RBFOX3: variants seen among roughly 807,000 people sequenced by gnomAD.
RBFOX3 encodes RNA binding fox-1 homolog 3, also known as RNA binding protein fox-1 homolog 3.
Under a neutral mutation model 48.7 loss-of-function variants are expected in RBFOX3, and 17 were observed. The observed-to-expected ratio is 0.35, with a 90% CI of 0.24 to 0.52. The LOEUF (loss-of-function observed/expected upper bound fraction) is 0.52. Among genes scored for constraint, RBFOX3 ranks in the 20% least tolerant of loss-of-function variants. The probability of loss-of-function intolerance (pLI) is 0.94; values close to 1 mark genes in which losing one functional copy is unlikely to be tolerated. For missense variants in RBFOX3, 382 were observed against 497.5 expected, an observed-to-expected ratio of 0.77 and a Z score of 2.21; for synonymous variants, 212 against 209.5, an observed-to-expected ratio of 1.01 and a Z score of -0.10.
At chr17:79,429,355 G>A (rs2148862083) in intron 2 of RBFOX3, among the ~76,000 whole-genome samples, 1 of 152,366 alleles carries the variant, frequency 6.6e-6, no homozygotes, top group South Asian at 2.1e-4. Context: ...GAGGAACAGA[G>A]GAAACCGGAA....
intron 2 of RBFOX3, among the ~76,000 whole-genome samples, chr17:79,347,652 A>G (rs2083138568): frequency 6.6e-6 from 1 of 152,144 alleles, no homozygotes; most frequent in African/African-American, 2.4e-5. Flanking sequence ...TTTCTCCTGT[A>G]TCGCATTATT....
In RBFOX3 at chr17:79,181,159, A is replaced by G. The variant is rs562497771; in HGVS notation, c.-34+54607T>C. ...CAGTGAGGACTATGTCATTCAAGGA[A>G]GACACTGAGGTTCAGAGTGGTGATA... On this transcript the variant is annotated intron_variant, in intron 4 of 14. Coordinates refer to ENST00000693108, the MANE Select transcript of RBFOX3 (RefSeq NM_001350451.2). 3.4e-4 allele frequency among the ~76,000 whole-genome samples: 52 copies of G among 152,336 alleles called. 1 individual carries two copies. The highest frequency in any genetic ancestry group is 1.2e-3 in the African/African-American group (49 of 41,576).
chr17:79,541,491 C>T (rs782142590), intron 1 of RBFOX3, among the ~76,000 whole-genome samples: 21 of 152,208 alleles, frequency 1.4e-4, no homozygotes, highest in African/African-American at 4.8e-5. Flanking sequence ...AGTCTGTGGC[C>T]GGCAGCGGGT....
intron 1 of RBFOX3, among the ~76,000 whole-genome samples, chr17:79,585,535 C>G (rs973618353): frequency 1.3e-5 from 2 of 151,678 alleles, no homozygotes; most frequent in Non-Finnish European, 2.9e-5. Flanking sequence ...CCAGCCTGGG[C>G]GACAACAGCG....
intron 3 of RBFOX3, among the ~76,000 whole-genome samples, chr17:79,261,216 A>G (rs2065718120): frequency 6.6e-6 from 1 of 152,166 alleles, no homozygotes; most frequent in African/African-American, 2.4e-5. Context: ...AAGCACAACA[A>G]GAGATTTTTA....
chr17:79,168,841 G>A (rs985741073), intron 4 of RBFOX3, among the ~76,000 whole-genome samples: 9 of 145,456 alleles, frequency 6.2e-5, no homozygotes, highest in Non-Finnish European at 8.9e-5. Flanking sequence ...CATGCCGGGT[G>A]CGCCCTCGCC....
intron 2 of RBFOX3, among the ~76,000 whole-genome samples, chr17:79,456,028 G>GC (rs2074422589): frequency 7.1e-6 from 1 of 141,560 alleles, no homozygotes; most frequent in Non-Finnish European, 1.6e-5. Flanking sequence ...ACATCACACT[G>GC]ACCAGGTCCC....
At chr17:79,102,354 G>T (rs764722009) in intron 8 of RBFOX3, among the ~76,000 whole-genome samples, 2 of 152,182 alleles carry the variant, frequency 1.3e-5, no homozygotes, top group African/African-American at 4.8e-5. Context: ...ATTGAGCCCC[G>T]AGGGCGTGGG....
At chr17:79,555,072 A>G (rs1387288470) in intron 1 of RBFOX3, among the ~76,000 whole-genome samples, 3 of 152,248 alleles carry the variant, frequency 2.0e-5, no homozygotes, top group Non-Finnish European at 4.4e-5. Context: ...AGTTGGAATC[A>G]GATCTGCCAC....
chr17:79,156,116 A>G (rs1250941153), intron 4 of RBFOX3, among the ~76,000 whole-genome samples: 4 of 152,174 alleles, frequency 2.6e-5, no homozygotes, highest in Admixed American at 2.0e-4. Context: ...CTTGGGGGTG[A>G]CGGGGAAAAG....
chr17:79,662,041 A>C, the RBFOX3 span, among the ~76,000 whole-genome samples: 1 of 151,728 alleles, frequency 6.6e-6, no homozygotes, highest in African/African-American at 2.4e-5. Context: ...TCTTTGAATC[A>C]TGAAGATATT....
At chr17:79,182,880 C>T (rs2052421600) in intron 4 of RBFOX3, among the ~76,000 whole-genome samples, 1 of 151,010 alleles carries the variant, frequency 6.6e-6, no homozygotes, top group Non-Finnish European at 1.5e-5. Context: ...GGAGGATGCC[C>T]CGCTCCCCGC....
intron 2 of RBFOX3, among the ~76,000 whole-genome samples, chr17:79,428,972 C>G (rs575725827): frequency 1.3e-5 from 2 of 152,216 alleles, no homozygotes; most frequent in East Asian, 3.8e-4. Flanking sequence ...TCCGGGTCCC[C>G]CTTCCAGTGC....
chr17:79,472,484 A>C (rs1301347292), intron 2 of RBFOX3, among the ~76,000 whole-genome samples: 1 of 152,164 alleles, frequency 6.6e-6, no homozygotes. Flanking sequence ...TGTCCTTCTA[A>C]GAGAAGAAGA....
chr17:79,557,074 T>C (rs1004676911), intron 1 of RBFOX3, among the ~76,000 whole-genome samples: 44 of 152,032 alleles, frequency 2.9e-4, no homozygotes, highest in Non-Finnish European at 5.1e-4. Flanking sequence ...TGAAACTCCA[T>C]CTTTACCAAA....
rs907706977 is a variant in RBFOX3 at position 79,092,486 on chromosome 17, G to A, written c.1078-1601C>T. ...TTGCAGGGGGCCAGCCGTGCGTGTC[G>A]CTGACCGGGAGGGGTGCACTGTCTT... On this transcript the variant is annotated intron_variant, in intron 14 of 14. Coordinates refer to ENST00000693108, the MANE Select transcript of RBFOX3 (RefSeq NM_001350451.2). The A allele has an allele frequency of 6.9e-5, 68 of 985,988 alleles. No individual in the cohort carries two copies. In the South Asian group the frequency reaches 1.3e-3, roughly 19 times the overall value. The allele number at this position is 985,988 out of a possible 1,614,324, so 61.1% of individuals were successfully genotyped here. A position where few individuals can be genotyped will look rare whatever the true frequency, so the allele number is the denominator to read the frequency against.
chr17:79,403,782 CTTTTTTTTTTT>C (rs781618072), intron 2 of RBFOX3, among the ~76,000 whole-genome samples: 1 of 124,354 alleles, frequency 8.0e-6, no homozygotes, highest in Non-Finnish European at 1.6e-5. Flanking sequence ...TGTTCTTTTT[CTTTTTTTTTTT>C]TTTTTTTTGA....
chr17:79,587,193 T>C (rs2093277112), intron 1 of RBFOX3, among the ~76,000 whole-genome samples: 1 of 152,024 alleles, frequency 6.6e-6, no homozygotes, highest in South Asian at 2.1e-4. Flanking sequence ...CCCGCAACCC[T>C]GAGAATAGGA....
At chr17:79,602,555 G>A (rs938612796) in intron 1 of RBFOX3, among the ~76,000 whole-genome samples, 6 of 152,262 alleles carry the variant, frequency 3.9e-5, no homozygotes, top group African/African-American at 1.2e-4. Context: ...GCAACCCCTC[G>A]GGTCTCTAGT....
Sources: gnomAD v4.1 joint callset for allele counts (sites outside exome capture counted in the v4.1 genomes callset) on GRCh38, gnomAD v4.1.1 for gene constraint, MANE v1.5 for transcripts, NCBI Gene and HGNC (gene_info 2026-07-23, HGNC 2026-07-21) for gene names.